SLIT3: variants seen among roughly 807,000 people sequenced by gnomAD.
SLIT3 encodes the protein slit guidance ligand 3.
Under a neutral mutation model 184.0 loss-of-function variants are expected in SLIT3, and 68 were observed. The ratio of observed to expected loss-of-function variants is 0.37; its 90% confidence interval spans 0.30 to 0.45. SLIT3 has a LOEUF of 0.45. Ranked by LOEUF, SLIT3 falls within the 20% of genes least tolerant of loss-of-function variation. SLIT3 has a pLI of 1.00. For synonymous variants in SLIT3, 831 were observed against 828.6 expected, an observed-to-expected ratio of 1.00 and a Z score of -0.05; for missense variants, 1,707 against 2,026.0, an observed-to-expected ratio of 0.84 and a Z score of 3.02.
rs1295621854 is a variant in SLIT3 at position 169,212,235 on chromosome 5, C to T, written c.342-18685G>A. The stretch of plus-strand genomic sequence containing the variant: ...ATGGTGGAACTAATTTACACTCCCC[C>T]CAACAGTGTAAGTGTTCTTATTTCT... On this transcript the variant is annotated intron_variant, in intron 3 of 35. Transcript: ENST00000519560. Among the ~76,000 whole-genome samples, 7 of 152,190 alleles carry T rather than the reference C, an allele frequency of 4.6e-5. No individual in the cohort carries two copies. In the East Asian group the frequency reaches 1.3e-3, roughly 29 times the overall value.
At position 169,058,447 on chromosome 5, in the gene SLIT3, G is replaced by A. The variant is rs143708814; in HGVS notation, c.413+135032C>T. The stretch of plus-strand genomic sequence containing the variant: ...AAGAACGCAGGTCAAGGAGGCAAGA[G>A]CGGCTCAGGACACATTTGGAGGGAT... On this transcript the variant is annotated intron_variant, in intron 4 of 35. Coordinates refer to ENST00000519560, the MANE Select transcript of SLIT3 (RefSeq NM_003062.4). Among the ~76,000 whole-genome samples, 427 of 152,354 alleles carry A rather than the reference G, an allele frequency of 2.8e-3. 3 individuals are homozygous for A. The highest frequency in any genetic ancestry group is 0.01 in the African/African-American group (417 of 41,580).
intron 6 of SLIT3, among the ~76,000 whole-genome samples, chr5:168,829,389 T>C (rs1247407577): frequency 2.6e-5 from 4 of 152,234 alleles, no homozygotes; most frequent in African/African-American, 9.6e-5. Flanking sequence ...GTGGGTATTC[T>C]TGGAATCTCT....
intron 4 of SLIT3, among the ~76,000 whole-genome samples, chr5:169,113,652 CTTTT>C (rs1561673359): frequency 6.9e-6 from 1 of 144,072 alleles, no homozygotes; most frequent in Non-Finnish European, 1.5e-5. Context: ...CCTTTTTTTT[CTTTT>C]TCTTTTTTTT....
At chr5:169,236,194 A>C (rs192195564) in intron 3 of SLIT3, among the ~76,000 whole-genome samples, 62 of 152,294 alleles carry the variant, frequency 4.1e-4, no homozygotes, top group Non-Finnish European at 7.8e-4. Context: ...TTTGTTACTC[A>C]AATTGTTCCA....
intron 20 of SLIT3, among the ~76,000 whole-genome samples, chr5:168,725,726 G>A (rs552607988): frequency 6.6e-6 from 1 of 152,298 alleles, no homozygotes; most frequent in East Asian, 1.9e-4. Context: ...ATGAGCTCCT[G>A]GGTGATGGTG....
chr5:169,013,363 G>C (rs1756232884), intron 4 of SLIT3: 1 of 152,228 alleles, frequency 6.6e-6, no homozygotes, highest in Non-Finnish European at 1.5e-5. Context: ...GCTGCACCTA[G>C]AGCAGCCCAT....
At chr5:168,803,019 T>G (rs201594565) in intron 9 of SLIT3, among the ~76,000 whole-genome samples, 3 of 90,272 alleles carry the variant, frequency 3.3e-5, no homozygotes, top group African/African-American at 8.3e-5. Context: ...CTCTTGGTTG[T>G]TTGTATCTCC....
intron 1 of SLIT3, among the ~76,000 whole-genome samples, chr5:169,288,850 AAG>A: frequency 6.6e-6 from 1 of 152,346 alleles, no homozygotes; most frequent in East Asian, 1.9e-4. Context: ...AAACTGGAAC[AAG>A]AGTTTGAAGA....
rs549388533 is a variant in SLIT3 at position 168,747,510 on chromosome 5, G to A, written c.2270+792C>T. 8.6e-4 allele frequency among the ~76,000 whole-genome samples: 131 copies of A among 152,250 alleles called. 1 individual carries two copies. The highest frequency in any genetic ancestry group is 5.8e-3 in the South Asian group (28 of 4,828). ...AGTGTGCACATGGTGTGTGTTGGTT[G>A]TGTGAGTGTGTGGTGCTCCTCTGGT... is the stretch of plus-strand genomic sequence containing the variant. On this transcript the variant is annotated intron_variant, in intron 20 of 35. Transcript: ENST00000519560.
intron 6 of SLIT3, among the ~76,000 whole-genome samples, chr5:168,829,247 G>A (rs943525364): frequency 4.6e-5 from 7 of 152,294 alleles, no homozygotes; most frequent in Middle Eastern, 3.4e-3. Context: ...TGTAATCTGC[G>A]TGTTGTGTGT....
At chr5:169,164,158 C>T (rs1044969479) in intron 4 of SLIT3, among the ~76,000 whole-genome samples, 2 of 152,178 alleles carry the variant, frequency 1.3e-5, no homozygotes, top group Non-Finnish European at 2.9e-5. Context: ...ACCACACATT[C>T]GAAAGTCTGG....
At chr5:169,123,893 A>G (rs370843235) in intron 4 of SLIT3, among the ~76,000 whole-genome samples, 1 of 152,328 alleles carries the variant, frequency 6.6e-6, no homozygotes, top group East Asian at 1.9e-4. Context: ...AGTGTGCTTA[A>G]TATGGCAGTG....
At chr5:168,856,996 T>A (rs1014213951) in intron 5 of SLIT3, among the ~76,000 whole-genome samples, 1 of 151,798 alleles carries the variant, frequency 6.6e-6, no homozygotes, top group Non-Finnish European at 1.5e-5. Context: ...GGGGGCCTGG[T>A]GAAAATGGTG....
intron 4 of SLIT3, among the ~76,000 whole-genome samples, chr5:168,885,255 A>T (rs1322911135): frequency 6.6e-6 from 1 of 152,166 alleles, no homozygotes; most frequent in Non-Finnish European, 1.5e-5. Context: ...GGGGCTGAGT[A>T]ACAGGGTGCT....
chr5:168,782,360 G>C (rs545614312), intron 12 of SLIT3, among the ~76,000 whole-genome samples: 1 of 152,338 alleles, frequency 6.6e-6, no homozygotes, highest in South Asian at 2.1e-4. Flanking sequence ...GAATGCTCCT[G>C]ACTCCCTGGA....
intron 12 of SLIT3, among the ~76,000 whole-genome samples, chr5:168,784,230 T>C (rs1756074353): frequency 1.3e-5 from 2 of 152,186 alleles, no homozygotes; most frequent in African/African-American, 4.8e-5. Context: ...TAACTAGCCT[T>C]ATGGTGGCAG....
intron 11 of SLIT3, among the ~76,000 whole-genome samples, chr5:168,788,414 G>A (rs1756238795): frequency 6.6e-6 from 1 of 152,152 alleles, no homozygotes; most frequent in Non-Finnish European, 1.5e-5. Context: ...CTGGTTACCT[G>A]CCCACTCAAA....
chr5:168,774,080 A>G (rs990629511), intron 13 of SLIT3, among the ~76,000 whole-genome samples, 155 bp downstream of exon 13: 1 of 152,174 alleles, frequency 6.6e-6, no homozygotes, highest in Admixed American at 6.5e-5. Flanking sequence ...TGGTACTGAT[A>G]AGCTATTCCG....
chr5:168,819,100 C>A (rs2113660774), intron 7 of SLIT3, among the ~76,000 whole-genome samples: 1 of 152,342 alleles, frequency 6.6e-6, no homozygotes, highest in Admixed American at 6.5e-5. Context: ...CCACGCAGTT[C>A]TCCCCTTTGA....
Sources: gnomAD v4.1 joint callset for allele counts (sites outside exome capture counted in the v4.1 genomes callset) on GRCh38, gnomAD v4.1.1 for gene constraint, MANE v1.5 for transcripts, NCBI Gene and HGNC (gene_info 2026-07-23, HGNC 2026-07-21) for gene names.